Variants in UXS1 observed in about 807,000 individuals in gnomAD.
UXS1 encodes the protein UDP-glucuronic acid decarboxylase 1.
A neutral mutation model predicts 62.6 loss-of-function variants in UXS1; 33 were observed. The observed-to-expected ratio is 0.53, with a 90% CI of 0.40 to 0.70. The LOEUF is 0.70. UXS1 is among the 30% of genes least tolerant of loss of function. UXS1 has a pLI of 0.00. For synonymous variants in UXS1, 213 were observed against 206.8 expected, an observed-to-expected ratio of 1.03 and a Z score of -0.26; for missense variants, 434 against 556.3, an observed-to-expected ratio of 0.78 and a Z score of 2.21.
At chr2:106,142,582 T>C (rs1356838087) in intron 6 of UXS1, among the ~76,000 whole-genome samples, 3 of 152,212 alleles carry the variant, frequency 2.0e-5, no homozygotes, top group East Asian at 3.8e-4. Flanking sequence ...GCTGAGAATA[T>C]GATCAGTCTT....
chr2:106,181,767 G>C (rs909027253), intron 1 of UXS1, among the ~76,000 whole-genome samples: 2 of 152,160 alleles, frequency 1.3e-5, no homozygotes, highest in Non-Finnish European at 2.9e-5. Context: ...AGAAGAAAAA[G>C]TAAATTCAGA....
At chr2:106,191,756 C>T (rs972534210) in intron 1 of UXS1, among the ~76,000 whole-genome samples, 1 of 152,252 alleles carries the variant, frequency 6.6e-6, no homozygotes, top group African/African-American at 2.4e-5. Context: ...CCTATGACTT[C>T]CCTGTTAACT....
At chr2:106,097,035 G>T in intron 13 of UXS1, 1 of 673,932 alleles carries the variant, frequency 1.5e-6, no homozygotes, top group South Asian at 1.5e-5. Flanking sequence ...CAAGCTGACT[G>T]TGTGCAGGCG....
intron 12 of UXS1, 149 bp downstream of exon 12, chr2:106,100,909 T>C (rs1014735848): frequency 2.1e-6 from 2 of 971,376 alleles, no homozygotes; most frequent in African/African-American, 3.3e-5. Flanking sequence ...TTGTGTTTGT[T>C]TGTTTTTCCT....
Position 106,097,063 on chromosome 2 carries a change from G to T in UXS1, c.1043-242C>A, listed in dbSNP as rs1249702446. The T allele has an allele frequency of 2.7e-5, 17 of 633,136 alleles. No homozygotes were observed. The East Asian group carries it at 4.0e-4, about 15-fold the overall frequency. The allele number at this position is 633,136 out of a possible 1,614,324, so 39.2% of individuals were successfully genotyped here. ...TGCAGGCGCCCAGCAAGAGCTCGGTGGGGGGCAGGTTATTCTGTCTCAACA... is the reference window on the plus strand; with the variant it reads ...TGCAGGCGCCCAGCAAGAGCTCGGTTGGGGGCAGGTTATTCTGTCTCAACA... On this transcript the variant is annotated intron_variant, in intron 13 of 14. Transcript: ENST00000283148.
intron 3 of UXS1, among the ~76,000 whole-genome samples, 199 bp from the exon 4 acceptor site, chr2:106,163,909 C>T (rs1466024879): frequency 6.6e-6 from 1 of 152,174 alleles, no homozygotes; most frequent in African/African-American, 2.4e-5. Flanking sequence ...AACTCTTACT[C>T]CATAAATGCC....
chr2:106,096,869 G>C, intron 13 of UXS1, 48 bp from the exon 14 acceptor site: 1 of 1,525,404 alleles, frequency 6.6e-7, no homozygotes, highest in Middle Eastern at 1.7e-4. Context: ...ACAAAGCATG[G>C]GTAAGCACAG....
intron 10 of UXS1, among the ~76,000 whole-genome samples, chr2:106,108,661 G>A (rs562773345): frequency 5.9e-5 from 9 of 152,276 alleles, no homozygotes; most frequent in Non-Finnish European, 8.8e-5. Context: ...ACTGGGGGCC[G>A]GGGAACGAAG....
intron 4 of UXS1, among the ~76,000 whole-genome samples, chr2:106,162,922 G>C (rs1682988320): frequency 6.6e-6 from 1 of 152,118 alleles, no homozygotes. Flanking sequence ...ATTCAATGCT[G>C]ACACACATCG....
chr2:106,103,704 G>GA (rs1216814582), intron 11 of UXS1, among the ~76,000 whole-genome samples: 1 of 152,232 alleles, frequency 6.6e-6, no homozygotes, highest in Non-Finnish European at 1.5e-5. Context: ...TTTGCCCCTT[G>GA]AGGCAAGATA....
chr2:106,181,723 AT>A lies in UXS1; in HGVS notation c.94+12424del, dbSNP rs1426625685. Among the ~76,000 whole-genome samples the A allele has an allele frequency of 3.3e-5, 5 of 152,140 alleles. No individual in the cohort carries two copies. In the South Asian group the frequency reaches 6.2e-4, roughly 19 times the overall value. ...AGAGTGAGACTCCATCTCAAAAAAA[AT>A]AAATAAATTTTTTTAAAAATCCATA... On this transcript the variant is annotated intron_variant, in intron 1 of 14. Transcript: ENST00000283148.
intron 1 of UXS1, among the ~76,000 whole-genome samples, chr2:106,180,279 CGATG>C (rs1684159906): frequency 6.6e-6 from 1 of 152,192 alleles, no homozygotes; most frequent in Non-Finnish European, 1.5e-5. Context: ...TGGAAGGGAG[CGATG>C]CTTTCCATAT....
intron 13 of UXS1, 91 bp downstream of exon 13, chr2:106,098,625 T>C: frequency 9.6e-7 from 1 of 1,041,756 alleles, no homozygotes; most frequent in Non-Finnish European, 1.5e-6. Flanking sequence ...TCAATTAGCT[T>C]GTATTAATTA....
chr2:106,189,941 T>C (rs537594310), intron 1 of UXS1, among the ~76,000 whole-genome samples: 1 of 152,296 alleles, frequency 6.6e-6, no homozygotes, highest in Non-Finnish European at 1.5e-5. Context: ...ACAGAAGTCC[T>C]GCAGTGGGTA....
At chr2:106,163,092 C>T (rs1014142542) in intron 4 of UXS1, among the ~76,000 whole-genome samples, 14 of 152,166 alleles carry the variant, frequency 9.2e-5, no homozygotes, top group African/African-American at 3.1e-4. Context: ...TCAGCGGCCT[C>T]GGGAGTGCCT....
rs892488529 is a variant in UXS1, at chr2:106,108,939, C to T, written c.879+3707G>A. Among the ~76,000 whole-genome samples the T allele has an allele frequency of 2.6e-5, 4 of 152,020 alleles. No individual in the cohort carries two copies. The East Asian group carries it at 7.7e-4, about 29-fold the overall frequency. On this transcript the variant is annotated intron_variant, in intron 10 of 14. Coordinates refer to ENST00000283148, the MANE Select transcript of UXS1 (RefSeq NM_001253875.2). ...TGCTAAGTCAGTTTCACAAGAAACC[C>T]TTACCCTCGATATCTGATCACCCTC...
At chr2:106,176,435 C>T (rs553055520) in intron 1 of UXS1, among the ~76,000 whole-genome samples, 1 of 152,328 alleles carries the variant, frequency 6.6e-6, no homozygotes, top group East Asian at 1.9e-4. Context: ...TTAGAAGATA[C>T]TGCTCTGTGT....
chr2:106,174,486 G>A (rs1683753738), intron 1 of UXS1, among the ~76,000 whole-genome samples: 1 of 152,228 alleles, frequency 6.6e-6, no homozygotes, highest in Non-Finnish European at 1.5e-5. Context: ...GGGCAGAGGA[G>A]GATGGTCTGA....
At chr2:106,094,251 C>CCTTGCAGGAAGGAAGTGCCAT in intron 14 of UXS1, 94 bp from the exon 15 acceptor site, 14 of 1,574,104 alleles carry the variant, frequency 8.9e-6, no homozygotes, top group Non-Finnish European at 1.0e-5. Flanking sequence ...GGAAGTGCCA[C>CCTTGCAGGAAGGAAGTGCCAT]CTTGCAGCCA....
Sources: allele counts gnomAD v4.1 joint callset (sites outside exome capture counted in the v4.1 genomes callset), GRCh38; gene constraint gnomAD v4.1.1; transcripts MANE v1.5; gene names NCBI Gene and HGNC (gene_info 2026-07-23, HGNC 2026-07-21).